Variants in HAPSTR1 observed in about 807,000 individuals in gnomAD.
HAPSTR1 encodes the protein HUWE1 associated protein modifying stress responses.
chr16:9,099,349 C>T, the HAPSTR1 span, among the ~76,000 whole-genome samples: 2 of 152,052 alleles, frequency 1.3e-5, no homozygotes, highest in African/African-American at 4.8e-5. Context: ...AGGTGCCTGC[C>T]ACCATGCCTG....
At chr16:9,115,774 G>A in the HAPSTR1 span, among the ~76,000 whole-genome samples, 6 of 151,868 alleles carry the variant, frequency 4.0e-5, no homozygotes, top group East Asian at 3.9e-4. Context: ...CCACCACGCC[G>A]GGCTAATTTT....
chr16:9,113,275 GCTATGAGAGT>G, the HAPSTR1 span: 1 of 152,124 alleles, frequency 6.6e-6, no homozygotes, highest in South Asian at 2.1e-4. Flanking sequence ...TATTTTCACT[GCTATGAGAGT>G]CAGTCATAGA....
the HAPSTR1 span, chr16:9,104,592 GT>G: frequency 6.6e-6 from 1 of 152,162 alleles, no homozygotes; most frequent in Admixed American, 6.5e-5. Context: ...AAACCCCAAT[GT>G]TGTTTTTTCC....
chr16:9,102,184 C>G, the HAPSTR1 span, among the ~76,000 whole-genome samples: 1 of 152,118 alleles, frequency 6.6e-6, no homozygotes, highest in African/African-American at 2.4e-5. Flanking sequence ...GTTGCTTTTA[C>G]GGAAAGTTCA....
At chr16:9,116,997 C>A in the HAPSTR1 span, 1 of 1,546,626 alleles carries the variant, frequency 6.5e-7, no homozygotes. Context: ...AAACATGAGG[C>A]CATCTTCCCT....
chr16:9,103,093 T>G, the HAPSTR1 span: 1 of 1,614,174 alleles, frequency 6.2e-7, no homozygotes, highest in Non-Finnish European at 8.5e-7. Context: ...GAACTATTCG[T>G]CGAGAAGATT....
the HAPSTR1 span, among the ~76,000 whole-genome samples, chr16:9,113,748 A>T: frequency 6.6e-6 from 1 of 152,362 alleles, no homozygotes; most frequent in African/African-American, 2.4e-5. Flanking sequence ...AATATGTTAC[A>T]GGCTGAGACA....
the HAPSTR1 span, chr16:9,118,514 G>A: frequency 2.0e-5 from 3 of 152,630 alleles, no homozygotes; most frequent in Non-Finnish European, 4.4e-5. Context: ...CATTATAGAT[G>A]TAGCCCTTAT....
chr16:9,102,389 G>T, the HAPSTR1 span, among the ~76,000 whole-genome samples: 3 of 152,224 alleles, frequency 2.0e-5, no homozygotes, highest in Admixed American at 6.5e-5. Flanking sequence ...TAGTCTAGGA[G>T]ATCTGTTGGG....
At chr16:9,114,072 G>T in the HAPSTR1 span, among the ~76,000 whole-genome samples, 1 of 152,202 alleles carries the variant, frequency 6.6e-6, no homozygotes, top group East Asian at 1.9e-4. Context: ...AGAGACGGTT[G>T]ATTGTACCAT....
chr16:9,113,803 C>T, the HAPSTR1 span, among the ~76,000 whole-genome samples: 306 of 152,168 alleles, frequency 2.0e-3, no homozygotes, highest in African/African-American at 7.1e-3. Flanking sequence ...TTTAGTCTTG[C>T]GGTAGAACTT....
At chr16:9,102,503 G>T in the HAPSTR1 span, among the ~76,000 whole-genome samples, 1 of 152,216 alleles carries the variant, frequency 6.6e-6, no homozygotes, top group South Asian at 2.1e-4. Flanking sequence ...TGGTTTTAGT[G>T]TTGAGCCATC....
At chr16:9,111,019 C>G in the HAPSTR1 span, 2 of 150,910 alleles carry the variant, frequency 1.3e-5, no homozygotes, top group Admixed American at 1.3e-4. Flanking sequence ...GCCTGGGCAA[C>G]AAGAGCAAAA....
the HAPSTR1 span, chr16:9,112,484 G>C: frequency 6.6e-6 from 1 of 152,280 alleles, no homozygotes; most frequent in South Asian, 2.1e-4. Flanking sequence ...GCCTTCCCTC[G>C]TGGGGCTTAA....
chr16:9,118,166 A>C, the HAPSTR1 span: 9 of 152,714 alleles, frequency 5.9e-5, no homozygotes, highest in South Asian at 1.9e-3. Context: ...GTGTTTTTTT[A>C]GATGAAGAAC....
chr16:9,092,018 C>A, the HAPSTR1 span: 1 of 1,481,140 alleles, frequency 6.8e-7, no homozygotes, highest in Non-Finnish European at 9.0e-7. Context: ...GCGGCGGTGG[C>A]GGCGAGGCCG....
the HAPSTR1 span, chr16:9,104,214 A>G: frequency 6.6e-6 from 1 of 151,526 alleles, no homozygotes; most frequent in Non-Finnish European, 1.5e-5. Flanking sequence ...TCTGGGTTCA[A>G]GCGATTCTCC....
the HAPSTR1 span, among the ~76,000 whole-genome samples, chr16:9,102,602 A>G: frequency 2.0e-5 from 3 of 152,254 alleles, no homozygotes; most frequent in African/African-American, 4.8e-5. Context: ...GTAGGAATGT[A>G]TCTCCACAAT....
chr16:9,121,612 G>A, the HAPSTR1 span: 1 of 152,150 alleles, frequency 6.6e-6, no homozygotes, highest in South Asian at 2.1e-4. Flanking sequence ...AGAAAACATA[G>A]AAAAATAAAT....
Sources: allele counts gnomAD v4.1 joint callset (sites outside exome capture counted in the v4.1 genomes callset), GRCh38; gene constraint gnomAD v4.1.1; transcripts MANE v1.5; gene names NCBI Gene and HGNC (gene_info 2026-07-23, HGNC 2026-07-21).